Variants in ELAVL2 observed in about 807,000 individuals in gnomAD.
The protein encoded by ELAVL2 is ELAV-like protein 2.
Under a neutral mutation model 34.6 loss-of-function variants are expected in ELAVL2, and 4 were observed. The ratio of observed to expected loss-of-function variants is 0.12; its 90% CI spans 0.06 to 0.26. The LOEUF (loss-of-function observed/expected upper bound fraction) is 0.26. Among genes scored for constraint, ELAVL2 ranks in the 10% least tolerant of loss-of-function variants. The probability of loss-of-function intolerance (pLI) is 1.00; values close to 1 mark genes in which losing one functional copy is unlikely to be tolerated. For synonymous variants in ELAVL2, 193 were observed against 154.8 expected (o/e 1.25, Z -1.83); for missense variants, 432 against 442.8 (o/e 0.98, Z 0.22).
chr9:23,748,990 G>T (rs12344132), intron 2 of ELAVL2, among the ~76,000 whole-genome samples: 1,594 of 152,192 alleles, frequency 0.01, 24 homozygotes, highest in African/African-American at 0.036. Flanking sequence ...GGAGGTGGGT[G>T]AGGAGTTACT....
chr9:23,785,387 T>TA (rs2059560852), intron 1 of ELAVL2, among the ~76,000 whole-genome samples: 1 of 152,210 alleles, frequency 6.6e-6, no homozygotes, highest in Non-Finnish European at 1.5e-5. Flanking sequence ...AAGCATATTA[T>TA]AAAATGAGAA....
At chr9:23,806,141 C>T (rs1156783237) in intron 1 of ELAVL2, among the ~76,000 whole-genome samples, 1 of 152,074 alleles carries the variant, frequency 6.6e-6, no homozygotes, top group Non-Finnish European at 1.5e-5. Context: ...ATCTAAAAAA[C>T]ATAGAAATGT....
intron 2 of ELAVL2, among the ~76,000 whole-genome samples, chr9:23,759,922 A>G (rs887081556): frequency 1.3e-5 from 2 of 151,214 alleles, no homozygotes; most frequent in Non-Finnish European, 3.0e-5. Context: ...TCTCCATTAC[A>G]TCCTTCCCCT....
At position 23,691,285 on chromosome 9, in the gene ELAVL2, T is replaced by G. The variant is rs190640238; in HGVS notation, c.*1272A>C. 2 of 152,744 alleles carry G rather than the reference T, an allele frequency of 1.3e-5. No homozygotes were observed. Among genetic ancestry groups the G allele is most frequent in the Middle Eastern group, 3.4e-3 (1 of 294 alleles). 9.5% of individuals were successfully genotyped at this position (152,744 alleles called of 1,614,324 possible). ...AAAATTAAATTAGCTGAAAGGTTCA[T>G]AAACACAAGGTCTTATTTACATTAC... On this transcript the variant is annotated 3_prime_UTR_variant, in exon 7 of 7. Coordinates refer to ENST00000397312, the MANE Select transcript of ELAVL2 (RefSeq NM_004432.5).
chr9:23,812,124 T>G (rs2063094101), intron 1 of ELAVL2, among the ~76,000 whole-genome samples: 1 of 151,800 alleles, frequency 6.6e-6, no homozygotes, highest in Non-Finnish European at 1.5e-5. Flanking sequence ...AGTGTGTGAT[T>G]TTTTTTTAAG....
At position 23,690,542 on chromosome 9, in the gene ELAVL2, T is replaced by C. The variant is rs1428551311; in HGVS notation, c.*2015A>G. The C allele has an allele frequency of 3.3e-5, 5 of 152,584 alleles. No homozygotes were observed. Among genetic ancestry groups the C allele is most frequent in the African/African-American group, 9.7e-5 (4 of 41,446 alleles). 9.5% of individuals were successfully genotyped at this position (152,584 alleles called of 1,614,324 possible). A position where few individuals can be genotyped will look rare whatever the true frequency, so the allele number is the denominator to read the frequency against. ...AAGCCAATTGATTTCTGAATAGCAT[T>C]GAGTGGGTCAGCATGAAAACTCGCT... On this transcript the variant is annotated 3_prime_UTR_variant, in exon 7 of 7. Transcript: ENST00000397312.
intron 1 of ELAVL2, among the ~76,000 whole-genome samples, chr9:23,774,955 T>G (rs1237516193): frequency 6.6e-6 from 1 of 152,166 alleles, no homozygotes; most frequent in Non-Finnish European, 1.5e-5. Flanking sequence ...TGTATCTACA[T>G]TCATACAAAA....
chr9:23,774,888 A>C (rs895858272), intron 1 of ELAVL2, among the ~76,000 whole-genome samples: 3 of 152,146 alleles, frequency 2.0e-5, no homozygotes, highest in Non-Finnish European at 2.9e-5. Context: ...TAATGTGTAC[A>C]TTATGAGATC....
rs1424688278 is a variant in ELAVL2 at position 23,796,123 on chromosome 9, C to G, written c.-16+29683G>C. The stretch of plus-strand genomic sequence containing the variant: ...TCTGCAATCCAAAGAAGAATTAAAC[C>G]AAAAGACAAATGATGAACTTTCTAG... On this transcript the variant is annotated intron_variant, in intron 1 of 6. Coordinates refer to ENST00000397312, the MANE Select transcript of ELAVL2 (RefSeq NM_004432.5). 2.0e-5 allele frequency among the ~76,000 whole-genome samples: 3 copies of G among 152,036 alleles called. No individual in the cohort carries two copies. The East Asian group carries it at 5.8e-4, about 29-fold the overall frequency.
chr9:23,732,981 TATAAC>T (rs1049913578), intron 2 of ELAVL2, among the ~76,000 whole-genome samples: 47 of 152,102 alleles, frequency 3.1e-4, no homozygotes, highest in Admixed American at 2.6e-3. Context: ...ATGCCACAAA[TATAAC>T]AGAAAAAGAA....
intron 1 of ELAVL2, chr9:23,765,226 A>G: frequency 2.8e-6 from 2 of 726,766 alleles, no homozygotes; most frequent in Non-Finnish European, 4.4e-6. Context: ...GCTTAATTGA[A>G]ATTGAGGCAA....
chr9:23,838,135 A>G, the ELAVL2 span, among the ~76,000 whole-genome samples: 1 of 152,182 alleles, frequency 6.6e-6, no homozygotes, highest in Non-Finnish European at 1.5e-5. Flanking sequence ...ATTAAACATC[A>G]CATAAAGGAT....
At chr9:23,777,297 T>C (rs1396384468) in intron 1 of ELAVL2, among the ~76,000 whole-genome samples, 1 of 152,152 alleles carries the variant, frequency 6.6e-6, no homozygotes, top group African/African-American at 2.4e-5. Flanking sequence ...AAGGGAACCA[T>C]GACCCTGAAC....
At chr9:23,753,630 T>G (rs1475095792) in intron 2 of ELAVL2, among the ~76,000 whole-genome samples, 1 of 152,124 alleles carries the variant, frequency 6.6e-6, no homozygotes, top group Admixed American at 6.6e-5. Context: ...ATTTAACTGT[T>G]TTTTATCTTC....
chr9:23,753,341 A>C (rs1391982979), intron 2 of ELAVL2, among the ~76,000 whole-genome samples: 1 of 152,104 alleles, frequency 6.6e-6, no homozygotes, highest in Non-Finnish European at 1.5e-5. Flanking sequence ...ATAATCAACT[A>C]TTCTGTTCAG....
chr9:23,742,405 C>T (rs1430117132), intron 2 of ELAVL2, among the ~76,000 whole-genome samples: 1 of 152,170 alleles, frequency 6.6e-6, no homozygotes, highest in African/African-American at 2.4e-5. Flanking sequence ...CAAAATTACA[C>T]ATGCCTTGTG....
chr9:23,787,010 G>GAA (rs1270744965), intron 1 of ELAVL2, among the ~76,000 whole-genome samples: 1 of 152,072 alleles, frequency 6.6e-6, no homozygotes, highest in Non-Finnish European at 1.5e-5. Context: ...CATCACTGAG[G>GAA]AACTTGGACC....
At chr9:23,849,049 C>T in the ELAVL2 span, among the ~76,000 whole-genome samples, 1 of 152,180 alleles carries the variant, frequency 6.6e-6, no homozygotes, top group Non-Finnish European at 1.5e-5. Context: ...AGAGCAAAGG[C>T]TGTCTTTTAC....
intron 1 of ELAVL2, among the ~76,000 whole-genome samples, chr9:23,794,218 A>T (rs1448844733): frequency 6.6e-6 from 1 of 152,192 alleles, no homozygotes; most frequent in East Asian, 1.9e-4. Flanking sequence ...AGGGCAAAGA[A>T]ATGACACCAA....
Sources: allele counts gnomAD v4.1 joint callset (sites outside exome capture counted in the v4.1 genomes callset), GRCh38; gene constraint gnomAD v4.1.1; transcripts MANE v1.5; gene names NCBI Gene and HGNC (gene_info 2026-07-23, HGNC 2026-07-21).